The following FBLN2 variants were observed in gnomAD, a reference collection of about 807,000 sequenced individuals.
FBLN2 encodes fibulin 2, also known as fibulin-2.
Under a neutral mutation model 123.7 loss-of-function variants are expected in FBLN2, and 81 were observed. The observed-to-expected ratio is 0.65, with a 90% CI of 0.55 to 0.79. The LOEUF (loss-of-function observed/expected upper bound fraction) is 0.79. FBLN2 is among the 30% of genes least tolerant of loss of function. FBLN2 has a pLI of 0.00. For missense variants in FBLN2, 1,603 were observed against 1,681.3 expected, an observed-to-expected ratio of 0.95 and a Z score of 0.81; for synonymous variants, 699 against 701.4, an observed-to-expected ratio of 1.00 and a Z score of 0.05.
chr3:13,613,049 G>C (rs1330622484), intron 4 of FBLN2, among the ~76,000 whole-genome samples: 2 of 152,174 alleles, frequency 1.3e-5, no homozygotes, highest in African/African-American at 4.8e-5. Flanking sequence ...GATGGCCTTG[G>C]CTGGGATGAC....
intron 16 of FBLN2, among the ~76,000 whole-genome samples, chr3:13,634,827 C>T (rs1035384290): frequency 1.3e-5 from 2 of 152,220 alleles, no homozygotes; most frequent in East Asian, 1.9e-4. Flanking sequence ...GTTGCCCTGG[C>T]AGCTATGTGA....
chr3:13,566,994 G>A (rs767837853), intron 1 of FBLN2, among the ~76,000 whole-genome samples: 3 of 152,256 alleles, frequency 2.0e-5, no homozygotes, highest in Non-Finnish European at 4.4e-5. Context: ...CAGCAAATGT[G>A]GAAAATGCAG....
intron 5 of FBLN2, among the ~76,000 whole-genome samples, chr3:13,617,697 A>G (rs1479760705): frequency 1.4e-5 from 1 of 72,798 alleles, no homozygotes; most frequent in Non-Finnish European, 2.4e-5. Flanking sequence ...CCATCCATCC[A>G]TCCATCCATC....
chr3:13,621,822 T>G lies in FBLN2; in HGVS notation c.2203T>G (p.Phe735Val). 6.2e-7 allele frequency: 1 copy of G among 1,614,014 alleles called. No homozygotes were observed. Among genetic ancestry groups the G allele is most frequent in the Non-Finnish European group, 8.5e-7 (1 of 1,179,874 alleles). ...MGAHDCSRRQ[F>V]CVNTLGSFYC... ...TGCTCACGATTGTAGCCGGCGACAG[T>G]TCTGTGTGAACACCCTGGGATCCTT... The change falls in exon 9 of 18, where the codon TTC (phenylalanine) becomes GTC (valine). Residue 735 changes from phenylalanine (F) to valine (V), a missense_variant. By Grantham distance (50) the Phe-to-Val change is conservative (BLOSUM62 -1). Coordinates refer to ENST00000404922, the MANE Select transcript of FBLN2 (RefSeq NM_001004019.2).
chr3:13,603,261 A>G (rs1705097977), intron 2 of FBLN2, among the ~76,000 whole-genome samples: 1 of 147,106 alleles, frequency 6.8e-6, no homozygotes. Flanking sequence ...ATTATACTTT[A>G]AGTTCTAGGG....
At chr3:13,554,442 G>A (rs993644189) in intron 1 of FBLN2, among the ~76,000 whole-genome samples, 3 of 152,218 alleles carry the variant, frequency 2.0e-5, no homozygotes, top group African/African-American at 7.2e-5. Context: ...AGAAAGTTCT[G>A]TTCTTCTTAG....
chr3:13,579,163 T>C (rs1020860956), intron 2 of FBLN2, among the ~76,000 whole-genome samples: 1 of 152,232 alleles, frequency 6.6e-6, no homozygotes, highest in Non-Finnish European at 1.5e-5. Flanking sequence ...CCAGTTGTTA[T>C]AGCCATCCTA....
intron 16 of FBLN2, 58 bp downstream of exon 16, chr3:13,631,515 C>G (rs1228760324): frequency 3.3e-6 from 5 of 1,522,328 alleles, no homozygotes; most frequent in Admixed American, 2.1e-5. Flanking sequence ...AGGCTCCAAG[C>G]AGGCACAGAA....
chr3:13,571,895 G>A (rs1425304186), intron 2 of FBLN2, among the ~76,000 whole-genome samples: 1 of 152,166 alleles, frequency 6.6e-6, no homozygotes, highest in Admixed American at 6.5e-5. Flanking sequence ...GTTGTGGGAG[G>A]TGCTGGGCCC....
chr3:13,553,955 C>G lies in FBLN2; in HGVS notation c.-42+4747C>G, dbSNP rs116571350. ...TTGTTGCCCAGGAAGAGCCTTGAAA[C>G]AGGAGGAGGGCTCTGAAGTGTGATG... On this transcript the variant is annotated intron_variant, in intron 1 of 17. Coordinates refer to ENST00000404922, the MANE Select transcript of FBLN2 (RefSeq NM_001004019.2). Among the ~76,000 whole-genome samples the G allele has an allele frequency of 9.8e-5, 15 of 152,336 alleles. No homozygotes were observed. The East Asian group carries it at 1.5e-3, about 16-fold the overall frequency.
intron 5 of FBLN2, among the ~76,000 whole-genome samples, chr3:13,617,159 CATCCATCCATCCATCCATCT>C (rs1321030784): frequency 6.6e-6 from 1 of 151,580 alleles, no homozygotes; most frequent in Non-Finnish European, 1.5e-5. Context: ...TCCATCCATC[CATCCATCCATCCATCCATCT>C]ATCCATCCAT....
At chr3:13,554,491 G>A (rs150232149) in intron 1 of FBLN2, among the ~76,000 whole-genome samples, 27 of 151,140 alleles carry the variant, frequency 1.8e-4, no homozygotes, top group African/African-American at 6.3e-4. Flanking sequence ...AAAAAACATT[G>A]ATGAGCATGC....
At chr3:13,629,669 CCT>C (rs1294616076) in intron 13 of FBLN2, 149 bp from the exon 14 acceptor site, 8 of 1,126,524 alleles carry the variant, frequency 7.1e-6, no homozygotes, top group Middle Eastern at 2.5e-4. Context: ...GGTCTCTTTG[CCT>C]CTCTCTTTCC....
At chr3:13,554,689 C>T (rs1174743776) in intron 1 of FBLN2, among the ~76,000 whole-genome samples, 1 of 151,394 alleles carries the variant, frequency 6.6e-6, no homozygotes, top group Non-Finnish European at 1.5e-5. Flanking sequence ...TTAATTTCAC[C>T]GTTTTGGCCC....
chr3:13,563,578 C>T (rs553328804), intron 1 of FBLN2, among the ~76,000 whole-genome samples: 74 of 152,322 alleles, frequency 4.9e-4, no homozygotes, highest in African/African-American at 1.7e-3. Context: ...GAGCGCTCTC[C>T]CCCGACAGAC....
chr3:13,556,316 G>T lies in FBLN2; in HGVS notation c.-42+7108G>T, dbSNP rs9820233. On this transcript the variant is annotated intron_variant, in intron 1 of 17. Coordinates refer to ENST00000404922, the MANE Select transcript of FBLN2 (RefSeq NM_001004019.2). The stretch of plus-strand genomic sequence containing the variant: ...CCTTCTTGCTGTGTCCTCACAAGGT[G>T]GGGGGTGGGAAGCGGCGGACGGAGA... Among the ~76,000 whole-genome samples, 83 of 152,244 alleles carry T rather than the reference G, an allele frequency of 5.5e-4. 1 individual carries two copies. In the Middle Eastern group the frequency reaches 0.01, roughly 19 times the overall value.
At chr3:13,574,088 C>T (rs1397803304) in intron 2 of FBLN2, among the ~76,000 whole-genome samples, 3 of 152,136 alleles carry the variant, frequency 2.0e-5, no homozygotes, top group Non-Finnish European at 4.4e-5. Context: ...AATCACAGAG[C>T]GCCGAGCACG....
At chr3:13,626,664 G>A (rs1310611090) in intron 10 of FBLN2, 85 bp downstream of exon 10, 2 of 1,396,112 alleles carry the variant, frequency 1.4e-6, no homozygotes, top group Non-Finnish European at 1.9e-6. Flanking sequence ...CCCCTGTCCT[G>A]CCCTGGCCAC....
Position 13,621,927 on chromosome 3 carries a change from C to G in FBLN2, c.2296+12C>G. On this transcript the variant is annotated intron_variant, in intron 9 of 17. Coordinates refer to ENST00000404922, the MANE Select transcript of FBLN2 (RefSeq NM_001004019.2). ...CAGGAAGTGCGTGGGTAAGCCAGGG[C>G]CCCGCCTGCCGCCCGCCGTCACAGC... 6.2e-7 allele frequency: 1 copy of G among 1,607,492 alleles called. No homozygotes were observed. Among genetic ancestry groups the G allele is most frequent in the South Asian group, 1.1e-5 (1 of 90,850 alleles).
Sources: allele counts gnomAD v4.1 joint callset (sites outside exome capture counted in the v4.1 genomes callset), GRCh38; gene constraint gnomAD v4.1.1; transcripts MANE v1.5; gene names NCBI Gene and HGNC (gene_info 2026-07-23, HGNC 2026-07-21).